Variants in NRG4 observed in about 807,000 individuals in gnomAD.
NRG4 encodes the protein pro-neuregulin-4, membrane-bound isoform.
Under a neutral mutation model 15.0 loss-of-function variants are expected in NRG4, and 10 were observed. The observed-to-expected ratio is 0.67, with a 90% CI of 0.41 to 1.13. The LOEUF is 1.13. NRG4 is among the 50% of genes most tolerant of loss of function. The probability of loss-of-function intolerance (pLI) is 0.00; values close to 1 mark genes in which losing one functional copy is unlikely to be tolerated. For missense variants in NRG4, 139 were observed against 140.2 expected (o/e 0.99, Z 0.04); for synonymous variants, 41 against 50.1 (o/e 0.82, Z 0.77).
chr15:75,958,415 A>G (rs1276435705), intron 4 of NRG4, among the ~76,000 whole-genome samples: 7 of 151,994 alleles, frequency 4.6e-5, no homozygotes, highest in Non-Finnish European at 1.5e-5. Flanking sequence ...CCTACTACCT[A>G]CTGTTTCTGC....
intron 5 of NRG4, among the ~76,000 whole-genome samples, chr15:76,029,451 T>C (rs186530567): frequency 6.6e-6 from 1 of 152,080 alleles, no homozygotes; most frequent in African/African-American, 2.4e-5. Context: ...GAGAAAGAAA[T>C]AAAGGGCATC....
intron 3 of NRG4, among the ~76,000 whole-genome samples, chr15:75,985,936 T>C (rs1261610859): frequency 1.3e-5 from 2 of 152,212 alleles, no homozygotes; most frequent in Non-Finnish European, 2.9e-5. Context: ...AGTATCTTTA[T>C]TATATAAACA....
At chr15:75,957,096 T>A (rs2032277638) in intron 4 of NRG4, among the ~76,000 whole-genome samples, 1 of 152,170 alleles carries the variant, frequency 6.6e-6, no homozygotes, top group African/African-American at 2.4e-5. Flanking sequence ...TACAAAGACC[T>A]TAGTACACTT....
intron 3 of NRG4, among the ~76,000 whole-genome samples, chr15:75,964,763 C>T (rs2032707402): frequency 6.6e-6 from 1 of 151,604 alleles, no homozygotes; most frequent in Non-Finnish European, 1.5e-5. Context: ...ACCGTCTCTA[C>T]AAAAAATAAC....
At chr15:76,017,781 G>A (rs774071162) in intron 5 of NRG4, among the ~76,000 whole-genome samples, 1 of 151,850 alleles carries the variant, frequency 6.6e-6, no homozygotes, top group African/African-American at 2.4e-5. Context: ...TTTCAACCTT[G>A]GTGAATCTGA....
chr15:75,984,557 T>A lies in NRG4; in HGVS notation c.105-22583A>T, dbSNP rs139841427. ...CAGGAACAGAAAACCAAACACCGCA[T>A]GTTCTCACTCATAAGTGGGAGTTTA... On this transcript the variant is annotated intron_variant, in intron 3 of 5. Transcript: ENST00000394907. Among the ~76,000 whole-genome samples, 123 of 152,232 alleles carry A rather than the reference T, an allele frequency of 8.1e-4. No individual in the cohort carries two copies. The East Asian group carries it at 8.9e-3, about 11-fold the overall frequency.
At chr15:76,019,472 C>T (rs2035084806) in intron 5 of NRG4, among the ~76,000 whole-genome samples, 1 of 152,190 alleles carries the variant, frequency 6.6e-6, no homozygotes, top group Non-Finnish European at 1.5e-5. Context: ...GTGCTTGAAA[C>T]TCAGGGCCCT....
intron 5 of NRG4, among the ~76,000 whole-genome samples, chr15:76,027,507 T>C (rs1234371649): frequency 2.0e-5 from 3 of 151,714 alleles, no homozygotes; most frequent in African/African-American, 7.3e-5. Flanking sequence ...AATATATATA[T>C]ATATATATAT....
At chr15:76,033,920 TTC>T (rs753555588) in intron 5 of NRG4, among the ~76,000 whole-genome samples, 1 of 152,236 alleles carries the variant, frequency 6.6e-6, no homozygotes, top group Non-Finnish European at 1.5e-5. Context: ...TATTTAACTT[TTC>T]TAATTTTTAT....
chr15:75,962,095 G>C, intron 3 of NRG4, 121 bp from the exon 4 acceptor site: 1 of 635,140 alleles, frequency 1.6e-6, no homozygotes, highest in Non-Finnish European at 2.6e-6. Context: ...TGTGAACATG[G>C]AGTAGACAGG....
At chr15:75,939,955 T>C (rs148537074), downstream of NRG4, 7 of 152,086 alleles carry the variant, frequency 4.6e-5, no homozygotes, top group East Asian at 9.7e-4. Context: ...TCCTCTAAGA[T>C]CAAGACAATG....
upstream of NRG4, among the ~76,000 whole-genome samples, chr15:76,016,630 C>T (rs2034988335): frequency 6.6e-6 from 1 of 152,142 alleles, no homozygotes. Context: ...GTTCAGTTTC[C>T]ATGTACTTGT....
chr15:75,992,408 G>A (rs1266416229), intron 3 of NRG4, among the ~76,000 whole-genome samples: 2 of 151,996 alleles, frequency 1.3e-5, no homozygotes, highest in African/African-American at 4.8e-5. Context: ...AGGCTTGCAG[G>A]TAATAAATTA....
chr15:75,955,619 T>C (rs970155089), intron 5 of NRG4, among the ~76,000 whole-genome samples: 2 of 152,180 alleles, frequency 1.3e-5, no homozygotes, highest in African/African-American at 2.4e-5. Flanking sequence ...TTCCTCCCCA[T>C]ATGCTGGCTC....
chr15:75,983,883 A>T (rs928675682), intron 3 of NRG4, among the ~76,000 whole-genome samples: 9 of 152,340 alleles, frequency 5.9e-5, no homozygotes, highest in East Asian at 1.9e-4. Flanking sequence ...ATGAATATAA[A>T]TGTTATCCCA....
chr15:76,023,789 C>G (rs1227346483), intron 5 of NRG4, among the ~76,000 whole-genome samples: 1 of 152,178 alleles, frequency 6.6e-6, no homozygotes, highest in Non-Finnish European at 1.5e-5. Context: ...CAAATCTGGT[C>G]CTACACAGCA....
upstream of NRG4, among the ~76,000 whole-genome samples, chr15:76,012,608 T>C (rs967724670): frequency 6.6e-6 from 1 of 152,200 alleles, no homozygotes; most frequent in Non-Finnish European, 1.5e-5. Context: ...GTCCACGTTT[T>C]AAAGGTAAAA....
chr15:76,000,228 A>T (rs1014102226), intron 3 of NRG4, among the ~76,000 whole-genome samples: 16 of 151,966 alleles, frequency 1.1e-4, no homozygotes, highest in Non-Finnish European at 2.1e-4. Context: ...AAGGGCTTTT[A>T]AAAAAAATTG....
chr15:75,959,022 C>A, intron 4 of NRG4: 1 of 202,020 alleles, frequency 5.0e-6, no homozygotes, highest in Non-Finnish European at 1.1e-5. Context: ...GCTCTCTCAC[C>A]CAGGCAGGAG....
Sources: allele counts gnomAD v4.1 joint callset (sites outside exome capture counted in the v4.1 genomes callset), GRCh38; gene constraint gnomAD v4.1.1; transcripts MANE v1.5; gene names NCBI Gene and HGNC (gene_info 2026-07-23, HGNC 2026-07-21).